TEK: variants seen among roughly 807,000 people sequenced by gnomAD.
TEK encodes the protein angiopoietin-1 receptor.
A neutral mutation model predicts 131.8 loss-of-function variants in TEK; 43 were observed. That is an observed-to-expected ratio of 0.33 (90% CI 0.26 to 0.42). TEK has a LOEUF of 0.42. Among genes scored for constraint, TEK ranks in the 10% least tolerant of loss-of-function variants. The pLI, the probability that TEK is intolerant of heterozygous loss-of-function variation, is 1.00. For synonymous variants in TEK, 580 were observed against 491.6 expected (o/e 1.18, Z -2.38); for missense variants, 1,162 against 1,384.4 (o/e 0.84, Z 2.55).
At chr9:27,164,321 A>ATTT (rs35837600) in intron 2 of TEK, among the ~76,000 whole-genome samples, 5 of 140,276 alleles carry the variant, frequency 3.6e-5, no homozygotes, top group East Asian at 2.1e-4. Flanking sequence ...TACAGTCTTG[A>ATTT]TTTTTTTTTT....
At chr9:27,223,179 G>GC (rs1564110853) in intron 21 of TEK, among the ~76,000 whole-genome samples, 1 of 151,456 alleles carries the variant, frequency 6.6e-6, no homozygotes, top group African/African-American at 2.4e-5. Context: ...TTATTGTGAG[G>GC]AGTCTTAACA....
intron 1 of TEK, among the ~76,000 whole-genome samples, chr9:27,116,490 C>T (rs1376807167): frequency 1.3e-5 from 2 of 152,052 alleles, no homozygotes; most frequent in Admixed American, 6.6e-5. Context: ...GGCTTCACCA[C>T]GTTGGCCATG....
intron 2 of TEK, among the ~76,000 whole-genome samples, chr9:27,164,537 T>G (rs1477665839): frequency 1.3e-5 from 2 of 152,158 alleles, no homozygotes; most frequent in Non-Finnish European, 2.9e-5. Flanking sequence ...GCCAGGATGA[T>G]GTCGATCTCC....
intron 19 of TEK, among the ~76,000 whole-genome samples, chr9:27,218,151 G>A (rs997551932): frequency 6.7e-6 from 1 of 148,988 alleles, no homozygotes; most frequent in Non-Finnish European, 1.5e-5. Context: ...GTCTCTGCTT[G>A]CAGCCTGCAG....
At chr9:27,192,409 A>G in intron 10 of TEK, 80 bp from the exon 11 acceptor site, 1 of 1,555,710 alleles carries the variant, frequency 6.4e-7, no homozygotes, top group Non-Finnish European at 8.9e-7. Context: ...AAATTAGTTC[A>G]CATCGCAATA....
At chr9:27,182,019 G>A (rs947414255) in intron 7 of TEK, among the ~76,000 whole-genome samples, 3 of 152,030 alleles carry the variant, frequency 2.0e-5, no homozygotes, top group Non-Finnish European at 2.9e-5. Context: ...CTTTTGCCAA[G>A]CCTGGACTTT....
rs1458592660 is a variant in TEK, at chr9:27,218,822, G to GTATC, written c.3103+9_3103+12dup. 4 of 1,613,876 alleles carry GTATC rather than the reference G, an allele frequency of 2.5e-6. No homozygotes were observed. The highest frequency in any genetic ancestry group is 4.5e-5 in the East Asian group (2 of 44,858). ...TATGGGAGATTGTTAGCTTAGGTGA[G>GTATC]TATCTATGTTTATCTACCAGGTGAG... On this transcript the variant is annotated splice_donor_region_variant and intron_variant, in intron 20 of 22. Transcript: ENST00000380036.
intron 18 of TEK, among the ~76,000 whole-genome samples, chr9:27,214,038 C>T (rs1825727176): frequency 6.6e-6 from 1 of 152,216 alleles, no homozygotes; most frequent in Non-Finnish European, 1.5e-5. Flanking sequence ...AAATTCATAA[C>T]TTCTACAGGC....
At chr9:27,121,962 C>T (rs75856838) in intron 1 of TEK, among the ~76,000 whole-genome samples, 1 of 152,202 alleles carries the variant, frequency 6.6e-6, no homozygotes, top group Non-Finnish European at 1.5e-5. Flanking sequence ...TGTCTCAAAG[C>T]ACCGTCACGG....
intron 18 of TEK, among the ~76,000 whole-genome samples, chr9:27,215,105 C>A (rs1445626676): frequency 1.3e-5 from 2 of 152,148 alleles, no homozygotes; most frequent in African/African-American, 2.4e-5. Context: ...CAGGATAACT[C>A]CACAATCTAC....
chr9:27,121,464 T>C (rs1419933486), intron 1 of TEK, among the ~76,000 whole-genome samples: 1 of 149,466 alleles, frequency 6.7e-6, no homozygotes, highest in African/African-American at 2.4e-5. Context: ...TTTTTTTTTA[T>C]TTTATAAATA....
intron 1 of TEK, among the ~76,000 whole-genome samples, chr9:27,119,865 C>A (rs1169880503): frequency 6.8e-6 from 1 of 147,886 alleles, no homozygotes; most frequent in Non-Finnish European, 1.5e-5. Flanking sequence ...ATTTTTGGAC[C>A]CATCCTGGTG....
chr9:27,136,428 T>C (rs949179358), intron 1 of TEK, among the ~76,000 whole-genome samples: 1 of 152,172 alleles, frequency 6.6e-6, no homozygotes, highest in Non-Finnish European at 1.5e-5. Context: ...CGGCTTCAAT[T>C]GACTTTACTT....
intron 1 of TEK, among the ~76,000 whole-genome samples, chr9:27,146,720 ATTTTT>A (rs34727945): frequency 1.8e-5 from 2 of 113,684 alleles, no homozygotes; most frequent in Middle Eastern, 4.3e-3. Flanking sequence ...TAAACATTCT[ATTTTT>A]TTTTTTTTTT....
chr9:27,193,980 A>C (rs985285571), intron 11 of TEK, among the ~76,000 whole-genome samples: 2 of 151,848 alleles, frequency 1.3e-5, no homozygotes, highest in African/African-American at 4.8e-5. Context: ...ACTTCAAAAA[A>C]TTTTTTTTGT....
intron 15 of TEK, 56 bp from the exon 16 acceptor site, chr9:27,209,065 G>A: frequency 8.0e-7 from 1 of 1,254,568 alleles, no homozygotes; most frequent in Non-Finnish European, 1.2e-6. Context: ...GGACGGGACA[G>A]CTGATTCTGA....
At chr9:27,228,001 C>T (rs957586933) in intron 21 of TEK, among the ~76,000 whole-genome samples, 1 of 152,002 alleles carries the variant, frequency 6.6e-6, no homozygotes, top group African/African-American at 2.4e-5. Context: ...GAAACAGTAC[C>T]GAGGGTAGGA....
At chr9:27,135,928 A>G (rs1229892884) in intron 1 of TEK, among the ~76,000 whole-genome samples, 1 of 152,202 alleles carries the variant, frequency 6.6e-6, no homozygotes, top group Non-Finnish European at 1.5e-5. Context: ...AAAAGATTCA[A>G]TTTTAAAAAT....
chr9:27,175,358 G>A (rs1587552775), intron 6 of TEK, among the ~76,000 whole-genome samples: 2 of 149,942 alleles, frequency 1.3e-5, no homozygotes, highest in East Asian at 2.0e-4. Context: ...TGGTGTATAT[G>A]TGCCACATTT....
Sources: allele counts gnomAD v4.1 joint callset (sites outside exome capture counted in the v4.1 genomes callset), GRCh38; gene constraint gnomAD v4.1.1; transcripts MANE v1.5; gene names NCBI Gene and HGNC (gene_info 2026-07-23, HGNC 2026-07-21).